NWD2: variants seen among roughly 807,000 people sequenced by gnomAD.
NWD2 encodes the protein NACHT and WD repeat domain containing 2, also known as NACHT and WD repeat domain-containing protein 2.
In NWD2, 37 loss-of-function variants were observed where a neutral mutation model predicts 132.7. That is an observed-to-expected ratio of 0.28 (90% CI 0.21 to 0.37). The LOEUF is 0.37. Among genes scored for constraint, NWD2 ranks in the 10% least tolerant of loss-of-function variants. The pLI, the probability that NWD2 is intolerant of heterozygous loss-of-function variation, is 1.00. For missense variants in NWD2, 1,592 were observed against 2,122.4 expected (o/e 0.75, Z 4.91); for synonymous variants, 705 against 803.0 (o/e 0.88, Z 2.06).
chr4:37,373,268 C>T (rs1358400203), intron 3 of NWD2, among the ~76,000 whole-genome samples: 1 of 152,196 alleles, frequency 6.6e-6, no homozygotes, highest in Non-Finnish European at 1.5e-5. Context: ...GTCATAACTA[C>T]TCTCTTTCTA....
chr4:37,421,762 A>C (rs538485095), intron 3 of NWD2, among the ~76,000 whole-genome samples: 3 of 152,212 alleles, frequency 2.0e-5, no homozygotes, highest in African/African-American at 7.2e-5. Context: ...ACAAAATCAC[A>C]TTCATTTTAT....
chr4:37,400,401 C>T (rs946041100), intron 3 of NWD2, among the ~76,000 whole-genome samples: 1 of 152,160 alleles, frequency 6.6e-6, no homozygotes, highest in African/African-American at 2.4e-5. Flanking sequence ...AGAGGAATTG[C>T]CCATCTGTAG....
chr4:37,311,356 G>A (rs1718837734), intron 1 of NWD2, among the ~76,000 whole-genome samples: 1 of 151,942 alleles, frequency 6.6e-6, no homozygotes, highest in Non-Finnish European at 1.5e-5. Flanking sequence ...TCTCATTGTG[G>A]TTTTGATTTG....
intron 3 of NWD2, among the ~76,000 whole-genome samples, chr4:37,425,992 C>G (rs557549793): frequency 6.6e-6 from 1 of 152,314 alleles, no homozygotes; most frequent in East Asian, 1.9e-4. Context: ...TCTTCCATCT[C>G]CACCCCTGCT....
rs76527406 is a variant in NWD2 at position 37,334,945 on chromosome 4, G to A, written c.240+8921G>A. On this transcript the variant is annotated intron_variant, in intron 2 of 6. Transcript: ENST00000309447. ...TCCTTTTGTTCGTATCTGTATTACC[G>A]TTACCTTGACTGTTGCCATGGGTAC... Among the ~76,000 whole-genome samples, 802 of 152,018 alleles carry A rather than the reference G, an allele frequency of 5.3e-3. 12 individuals are homozygous for A. The highest frequency in any genetic ancestry group is 0.024 in the Middle Eastern group (7 of 294).
At position 37,444,085 on chromosome 4, in the gene NWD2, T is replaced by C; in HGVS notation, c.2097T>C (p.Asn699=). 1 of 1,551,512 alleles carries C rather than the reference T, an allele frequency of 6.4e-7. No individual in the cohort carries two copies. Among genetic ancestry groups the C allele is most frequent in the Non-Finnish European group, 8.7e-7 (1 of 1,146,954 alleles). The change falls in exon 7 of 7, where the codon AAT becomes AAC. Residue 699 remains asparagine, a synonymous_variant. Coordinates refer to ENST00000309447, the MANE Select transcript of NWD2 (RefSeq NM_001144990.2). This position sits in a 1 kb window ranked among gnomAD's most constrained non-coding sequence, Gnocchi z 4.8. Reference sequence around the variant, plus strand: ...TCAAAGAAAACACCAGACCCAGCAATCCCCTGAGAGTACCTTACTTGTACA... The same window carrying C: ...TCAAAGAAAACACCAGACCCAGCAACCCCCTGAGAGTACCTTACTTGTACA... ...SELKENTRPS[N]PLRVPYLYIA... is the part of the protein sequence containing the mutation.
Position 37,444,142 on chromosome 4 carries a change from C to T in NWD2, c.2154C>T (p.Tyr718=). The change falls in exon 7 of 7, where the codon TAC becomes TAT. Residue 718 remains tyrosine, a synonymous_variant. Transcript: ENST00000309447. The surrounding 1 kb of genome is among the most constrained non-coding windows in gnomAD (Gnocchi z 4.8). ...GGCTCAAGGAGGGTCTCAGTGGATA[C>T]CTAATAGAAAGACATGTGAAAAATG... is the stretch of plus-strand genomic sequence containing the variant. ...IARLKEGLSG[Y]LIERHVKNVT... 1 of 1,551,702 alleles carries T rather than the reference C, an allele frequency of 6.4e-7. No homozygotes were observed. The highest frequency in any genetic ancestry group is 8.7e-7 in the Non-Finnish European group (1 of 1,146,990).
At position 37,438,794 on chromosome 4, in the gene NWD2, C is replaced by A; in HGVS notation, c.707-7C>A. 6.5e-7 allele frequency: 1 copy of A among 1,528,026 alleles called. No homozygotes were observed. Among genetic ancestry groups the A allele is most frequent in the East Asian group, 2.5e-5 (1 of 40,768 alleles). 94.7% of individuals were successfully genotyped at this position (1,528,026 alleles called of 1,614,324 possible). A position where few individuals can be genotyped will look rare whatever the true frequency, so the allele number is the denominator to read the frequency against. ...AGCAATAAACTCCTTCTTATATTTT[C>A]TTTCAGCTATAGAGGATGAGTTTGA... On this transcript the variant is annotated splice_region_variant and splice_polypyrimidine_tract_variant and intron_variant, in intron 5 of 6. Transcript: ENST00000309447.
chr4:37,321,993 G>A (rs112117086), intron 1 of NWD2, among the ~76,000 whole-genome samples: 102 of 152,170 alleles, frequency 6.7e-4, no homozygotes, highest in African/African-American at 2.2e-3. Context: ...AAATACCACC[G>A]TTTCCCGAGA....
At chr4:37,293,708 A>C (rs73240356) in intron 1 of NWD2, among the ~76,000 whole-genome samples, 41,280 of 152,066 alleles carry the variant, frequency 0.27, 5,729 homozygotes, top group South Asian at 0.38. Context: ...TGACAGTATA[A>C]TGAAAGGAAG....
chr4:37,390,055 G>T (rs1051368360), intron 3 of NWD2, among the ~76,000 whole-genome samples: 2 of 152,202 alleles, frequency 1.3e-5, no homozygotes, highest in Non-Finnish European at 2.9e-5. Context: ...CTCCCAAGGT[G>T]CTGGGATTAC....
intron 1 of NWD2, among the ~76,000 whole-genome samples, chr4:37,283,106 A>G (rs948716607): frequency 6.6e-6 from 1 of 152,180 alleles, no homozygotes; most frequent in African/African-American, 2.4e-5. Flanking sequence ...TGTCATTTCT[A>G]CTGAACTCAC....
chr4:37,324,600 C>T (rs549701180), intron 1 of NWD2, among the ~76,000 whole-genome samples: 1 of 152,176 alleles, frequency 6.6e-6, no homozygotes, highest in Non-Finnish European at 1.5e-5. Flanking sequence ...ATGGGCCCCG[C>T]TTTCATGTAC....
Position 37,446,454 on chromosome 4 carries a change from A to C in NWD2, c.4466A>C (p.Asp1489Ala). ...ATCGTGAATTTTAAATTAATCCCTG[A>C]CTGTCCTGATATCATCGTGTTTATC... Reference protein sequence around the residue: ...TTIVNFKLIPDCPDIIVFITS... With the variant: ...TTIVNFKLIPACPDIIVFITS... The change falls in exon 7 of 7, where the codon GAC becomes GCC. Residue 1489 changes from aspartate to alanine, a missense_variant. Around this residue, in one of 7 missense-constraint regions of NWD2, gnomAD observed 257 missense variants for 335.0 expected, o/e 0.77. Coordinates refer to ENST00000309447, the MANE Select transcript of NWD2 (RefSeq NM_001144990.2). This position sits in a 1 kb window ranked among gnomAD's most constrained non-coding sequence, Gnocchi z 6.7. The C allele has an allele frequency of 1.3e-6, 2 of 1,551,712 alleles. No individual in the cohort carries two copies. The highest frequency in any genetic ancestry group is 1.7e-6 in the Non-Finnish European group (2 of 1,147,008).
chr4:37,329,180 A>C (rs1719237400), intron 2 of NWD2, among the ~76,000 whole-genome samples: 3 of 152,094 alleles, frequency 2.0e-5, no homozygotes, highest in African/African-American at 7.2e-5. Context: ...ACTCCCGATA[A>C]TCCATCCAGT....
At chr4:37,260,156 A>C (rs762329331) in intron 1 of NWD2, among the ~76,000 whole-genome samples, 6 of 152,124 alleles carry the variant, frequency 3.9e-5, no homozygotes, top group Non-Finnish European at 8.8e-5. Context: ...TTGTTTTCCA[A>C]TAGTGTCATG....
intron 6 of NWD2, among the ~76,000 whole-genome samples, chr4:37,440,308 C>T (rs1712448461): frequency 6.6e-6 from 1 of 152,192 alleles, no homozygotes; most frequent in South Asian, 2.1e-4. Flanking sequence ...CTTGTCAGCT[C>T]ACTGTAGCCT....
chr4:37,351,974 A>G (rs11096871), intron 2 of NWD2, among the ~76,000 whole-genome samples: 142,113 of 152,252 alleles, frequency 0.93, 67,136 homozygotes, highest in East Asian at 1. Flanking sequence ...CAGTTTCCAT[A>G]TAGTTGTGCG....
intron 3 of NWD2, among the ~76,000 whole-genome samples, chr4:37,373,440 A>G (rs1720272075): frequency 1.3e-5 from 2 of 152,268 alleles, no homozygotes; most frequent in Admixed American, 6.5e-5. Flanking sequence ...CTCAATCAGT[A>G]CAAATTCAAG....
Sources: allele counts gnomAD v4.1 joint callset (sites outside exome capture counted in the v4.1 genomes callset), GRCh38; gene constraint gnomAD v4.1.1; regional missense constraint gnomAD v4.1.1; non-coding constraint Gnocchi (gnomAD v3.1); transcripts MANE v1.5; gene names NCBI Gene and HGNC (gene_info 2026-07-23, HGNC 2026-07-21).